KCNB2: variants seen among roughly 807,000 people sequenced by gnomAD.
The protein encoded by KCNB2 is potassium voltage-gated channel subfamily B member 2.
A neutral mutation model predicts 61.5 loss-of-function variants in KCNB2; 15 were observed. That is an observed-to-expected ratio of 0.24 (90% CI 0.16 to 0.38). KCNB2 has a LOEUF of 0.38. KCNB2 is among the 10% of genes least tolerant of loss of function. The pLI is 1.00. For synonymous variants in KCNB2, 457 were observed against 446.0 expected (o/e 1.02, Z -0.31); for missense variants, 828 against 1,125.2 (o/e 0.74, Z 3.78).
chr8:72,913,965 GAT>G (rs1302121251), intron 2 of KCNB2, among the ~76,000 whole-genome samples: 12 of 152,290 alleles, frequency 7.9e-5, no homozygotes, highest in African/African-American at 2.9e-4. Context: ...TGGGGAAAAG[GAT>G]GTGTCTTAGT....
chr8:72,743,862 A>G (rs1448980877), intron 2 of KCNB2, among the ~76,000 whole-genome samples: 1 of 151,706 alleles, frequency 6.6e-6, no homozygotes, highest in Admixed American at 6.6e-5. Flanking sequence ...AAAATATGAG[A>G]AAATAATTGC....
At chr8:72,778,993 G>A (rs1235931193) in intron 2 of KCNB2, among the ~76,000 whole-genome samples, 3 of 152,096 alleles carry the variant, frequency 2.0e-5, no homozygotes, top group African/African-American at 4.8e-5. Flanking sequence ...AAGCCAGGTC[G>A]CACCTAGGCA....
At chr8:72,594,063 A>G (rs753739861) in intron 2 of KCNB2, among the ~76,000 whole-genome samples, 4 of 152,232 alleles carry the variant, frequency 2.6e-5, no homozygotes, top group Non-Finnish European at 4.4e-5. Flanking sequence ...AAGTGAAACT[A>G]GCCTCCATCT....
intron 2 of KCNB2, among the ~76,000 whole-genome samples, chr8:72,645,575 C>A (rs901006541): frequency 6.6e-6 from 1 of 152,082 alleles, no homozygotes; most frequent in African/African-American, 2.4e-5. Flanking sequence ...TCAGAGCTAC[C>A]GGGCTCCTAT....
intron 2 of KCNB2, among the ~76,000 whole-genome samples, chr8:72,631,231 G>T (rs1255465439): frequency 6.6e-6 from 1 of 152,176 alleles, no homozygotes; most frequent in Non-Finnish European, 1.5e-5. Context: ...AGAGGAGACT[G>T]CTGTAACACA....
intron 2 of KCNB2, among the ~76,000 whole-genome samples, chr8:72,734,248 A>C (rs1240393318): frequency 1.3e-5 from 2 of 152,206 alleles, no homozygotes; most frequent in Non-Finnish European, 2.9e-5. Flanking sequence ...CAACCTGTAC[A>C]GGCAGCTTTG....
chr8:72,924,982 T>A (rs1467089887), intron 2 of KCNB2, among the ~76,000 whole-genome samples: 1 of 152,228 alleles, frequency 6.6e-6, no homozygotes, highest in Non-Finnish European at 1.5e-5. Flanking sequence ...GCCACTCCAT[T>A]TCAGCATGGC....
At chr8:72,547,364 TA>T (rs1394348384) in intron 1 of KCNB2, among the ~76,000 whole-genome samples, 1 of 152,200 alleles carries the variant, frequency 6.6e-6, no homozygotes, top group African/African-American at 2.4e-5. Flanking sequence ...AAATACCTTT[TA>T]TAAGGCTATA....
At chr8:72,845,647 G>A (rs780523049) in intron 2 of KCNB2, among the ~76,000 whole-genome samples, 2 of 152,270 alleles carry the variant, frequency 1.3e-5, no homozygotes, top group Non-Finnish European at 2.9e-5. Flanking sequence ...CAGAGAGGAG[G>A]AATCTAGAGA....
intron 2 of KCNB2, among the ~76,000 whole-genome samples, chr8:72,857,522 G>C (rs867165282): frequency 2.0e-5 from 3 of 149,972 alleles, no homozygotes; most frequent in African/African-American, 7.4e-5. Flanking sequence ...AGTTCACAAA[G>C]AGCTGAAAAT....
intron 2 of KCNB2, among the ~76,000 whole-genome samples, chr8:72,850,819 G>A (rs997661975): frequency 2.5e-4 from 38 of 152,262 alleles, no homozygotes; most frequent in Non-Finnish European, 4.9e-4. Flanking sequence ...TTATATGTGT[G>A]CATGTATGTG....
In KCNB2 at chr8:72,922,308, A is replaced by G. The variant is rs554288968; in HGVS notation, c.580-13627A>G. Among the ~76,000 whole-genome samples the G allele has an allele frequency of 3.2e-4, 49 of 152,286 alleles. No individual in the cohort carries two copies. In the South Asian group the frequency reaches 1.0e-2, roughly 31 times the overall value. On this transcript the variant is annotated intron_variant, in intron 2 of 2. Transcript: ENST00000523207. ...ATTGAATATGACCTCATCATAACTA[A>G]TGACATCTGCAAAGACCCCATTTCC...
intron 1 of KCNB2, among the ~76,000 whole-genome samples, chr8:72,552,588 T>A (rs1412017066): frequency 6.6e-6 from 1 of 152,238 alleles, no homozygotes; most frequent in African/African-American, 2.4e-5. Context: ...TTTAGACATA[T>A]TCATTTACAA....
At chr8:72,919,298 C>A (rs1806459860) in intron 2 of KCNB2, among the ~76,000 whole-genome samples, 1 of 147,046 alleles carries the variant, frequency 6.8e-6, no homozygotes, top group Admixed American at 6.7e-5. Flanking sequence ...AAGTCTTCTC[C>A]TTCTCTCAGC....
At chr8:72,893,748 A>T (rs1428262198) in intron 2 of KCNB2, among the ~76,000 whole-genome samples, 1 of 152,234 alleles carries the variant, frequency 6.6e-6, no homozygotes, top group Admixed American at 6.5e-5. Flanking sequence ...GTTTGTTGTT[A>T]TCCAAACTTA....
At chr8:72,837,043 T>C (rs1018798210) in intron 2 of KCNB2, among the ~76,000 whole-genome samples, 1 of 152,254 alleles carries the variant, frequency 6.6e-6, no homozygotes, top group African/African-American at 2.4e-5. Flanking sequence ...TTTCTCCAGA[T>C]GATGGCATCT....
At chr8:72,689,305 C>T (rs185236522) in intron 2 of KCNB2, among the ~76,000 whole-genome samples, 1 of 152,254 alleles carries the variant, frequency 6.6e-6, no homozygotes, top group African/African-American at 2.4e-5. Flanking sequence ...AATAGACACA[C>T]AAGCAATAAA....
rs186349834 is a variant in KCNB2 at position 72,887,797 on chromosome 8, G to A, written c.580-48138G>A. Among the ~76,000 whole-genome samples, 357 of 152,266 alleles carry A rather than the reference G, an allele frequency of 2.3e-3. No homozygotes were observed. The South Asian group carries it at 0.036, about 16-fold the overall frequency. ...AACTCTTCTCATTCAGTCAACTCCA[G>A]CTCTGAAACCCCCAGATGGAAGCCA... On this transcript the variant is annotated intron_variant, in intron 2 of 2. Transcript: ENST00000523207.
chr8:72,714,645 G>C (rs1227512421), intron 2 of KCNB2, among the ~76,000 whole-genome samples: 4 of 152,106 alleles, frequency 2.6e-5, no homozygotes, highest in South Asian at 4.1e-4. Flanking sequence ...TGCCCTACGA[G>C]AGCTCCTGAA....
Sources: allele counts gnomAD v4.1 joint callset (sites outside exome capture counted in the v4.1 genomes callset), GRCh38; gene constraint gnomAD v4.1.1; transcripts MANE v1.5; gene names NCBI Gene and HGNC (gene_info 2026-07-23, HGNC 2026-07-21).